The following MED27 variants were observed in gnomAD, a reference collection of about 807,000 sequenced individuals.
The protein encoded by MED27 is mediator complex subunit 27.
Under a neutral mutation model 38.2 loss-of-function variants are expected in MED27, and 30 were observed. The ratio of observed to expected loss-of-function variants is 0.79; its 90% CI spans 0.59 to 1.07. The LOEUF is 1.07. Among genes scored for constraint, MED27 ranks in the 50% least tolerant of loss-of-function variants. The probability of loss-of-function intolerance (pLI) is 0.00; values close to 1 mark genes in which losing one functional copy is unlikely to be tolerated. For synonymous variants in MED27, 122 were observed against 153.5 expected (o/e 0.79, Z 1.52); for missense variants, 289 against 397.5 (o/e 0.73, Z 2.32).
At chr9:132,068,296 G>A (rs879179474) in intron 2 of MED27, among the ~76,000 whole-genome samples, 5 of 152,100 alleles carry the variant, frequency 3.3e-5, no homozygotes, top group African/African-American at 9.7e-5. Context: ...TAGGTAAGCC[G>A]GCCAAAGGAC....
intron 3 of MED27, among the ~76,000 whole-genome samples, chr9:131,945,978 A>C (rs11243571): frequency 9.3e-5 from 14 of 150,568 alleles, no homozygotes; most frequent in East Asian, 5.9e-4. Context: ...TAAAAAAAAA[A>C]AAAAAAAAAG....
chr9:131,934,119 A>G (rs1484587717), intron 4 of MED27, among the ~76,000 whole-genome samples: 3 of 152,238 alleles, frequency 2.0e-5, no homozygotes, highest in Non-Finnish European at 2.9e-5. Flanking sequence ...ATACATAAAA[A>G]TCAAATACAA....
intron 2 of MED27, among the ~76,000 whole-genome samples, chr9:132,050,017 T>C (rs1833428535): frequency 6.6e-6 from 1 of 152,020 alleles, no homozygotes; most frequent in Admixed American, 6.5e-5. Flanking sequence ...TGGAGAAATA[T>C]AACATGGGAT....
rs1408636846 is a variant in MED27, at chr9:131,915,930, T to C, written c.574-21938A>G. Among the ~76,000 whole-genome samples the C allele has an allele frequency of 2.6e-5, 4 of 152,240 alleles. No homozygotes were observed. In the East Asian group the frequency reaches 7.7e-4, roughly 29 times the overall value. Reference sequence around the variant, plus strand: ...TGCTTACAAGTCAGGTTACTTACGATGATGATAAGAATGATGACTACTATT... The same window carrying C: ...TGCTTACAAGTCAGGTTACTTACGACGATGATAAGAATGATGACTACTATT... On this transcript the variant is annotated intron_variant, in intron 4 of 7. Transcript: ENST00000292035.
At chr9:131,978,810 A>G (rs1831669583) in intron 3 of MED27, among the ~76,000 whole-genome samples, 1 of 152,276 alleles carries the variant, frequency 6.6e-6, no homozygotes, top group South Asian at 2.1e-4. Context: ...GAACAACTGC[A>G]GAGCTGGAGA....
intron 4 of MED27, among the ~76,000 whole-genome samples, chr9:131,927,822 G>C (rs1349581052): frequency 6.6e-6 from 1 of 152,114 alleles, no homozygotes; most frequent in Admixed American, 6.5e-5. Context: ...AGAAACTGTC[G>C]ATGATGGACT....
chr9:131,893,588 A>G (rs905639984), intron 5 of MED27, among the ~76,000 whole-genome samples: 1 of 152,148 alleles, frequency 6.6e-6, no homozygotes. Flanking sequence ...GACTTGGGGA[A>G]AAAAATCCAT....
chr9:132,079,137 C>T (rs1043681929), intron 1 of MED27, among the ~76,000 whole-genome samples: 4 of 152,122 alleles, frequency 2.6e-5, no homozygotes, highest in African/African-American at 9.7e-5. Context: ...GTGAAGACAG[C>T]TCAAGGCCTG....
chr9:131,928,015 A>G (rs563897699), intron 4 of MED27, among the ~76,000 whole-genome samples: 100 of 152,042 alleles, frequency 6.6e-4, no homozygotes, highest in African/African-American at 2.3e-3. Context: ...TTTCCCATGC[A>G]TATGCACAAA....
intron 3 of MED27, among the ~76,000 whole-genome samples, chr9:132,002,658 T>C (rs1832263237): frequency 6.6e-6 from 1 of 152,106 alleles, no homozygotes; most frequent in South Asian, 2.1e-4. Flanking sequence ...TCGCCTATAA[T>C]CCCAGCCCTT....
chr9:131,860,545 C>T lies in MED27; in HGVS notation c.929G>A (p.Arg310Gln), dbSNP rs1838634317. Residue 310 changes from arginine to glutamine, a missense_variant, in exon 8 of 8, where the codon CGG (arginine) becomes CAG (glutamine). Transcript: ENST00000292035. The surrounding 1 kb of genome is among the most constrained non-coding windows in gnomAD (Gnocchi z 5.8). ...CTGGGGCCAGCGTGGGGGCTACTGC[C>T]GGCAGGTGTCATGGAAGGCTTCGAG... ...RTLEAFHDTC[R>Q]Q The T allele has an allele frequency of 2.0e-6, 3 of 1,533,486 alleles. No individual in the cohort carries two copies. The highest frequency in any genetic ancestry group is 2.6e-6 in the Non-Finnish European group (3 of 1,139,652). The allele number at this position is 1,533,486 out of a possible 1,614,324, so 95.0% of individuals were successfully genotyped here.
At chr9:132,026,043 G>A (rs1731692430) in intron 2 of MED27, among the ~76,000 whole-genome samples, 1 of 152,114 alleles carries the variant, frequency 6.6e-6, no homozygotes, top group Non-Finnish European at 1.5e-5. Flanking sequence ...ATACGAGAAG[G>A]GCTACTCCAA....
At chr9:132,035,962 T>A (rs1324283718) in intron 2 of MED27, among the ~76,000 whole-genome samples, 1 of 151,840 alleles carries the variant, frequency 6.6e-6, no homozygotes, top group Non-Finnish European at 1.5e-5. Flanking sequence ...CAAGACCCTG[T>A]CTCTAAAAAA....
intron 6 of MED27, among the ~76,000 whole-genome samples, chr9:131,867,412 A>G (rs1838756329): frequency 6.6e-6 from 1 of 152,202 alleles, no homozygotes; most frequent in Admixed American, 6.5e-5. Flanking sequence ...GTGAGGAAGA[A>G]ATGAGCTTGA....
In MED27 at chr9:131,883,930, T is replaced by C; in HGVS notation, c.723+128A>G. 1.3e-6 allele frequency: 1 copy of C among 754,306 alleles called. No homozygotes were observed. Among genetic ancestry groups the C allele is most frequent in the South Asian group, 1.9e-5 (1 of 53,212 alleles). The allele number at this position is 754,306 out of a possible 1,614,324, so 46.7% of individuals were successfully genotyped here. A position where few individuals can be genotyped will look rare whatever the true frequency, so the allele number is the denominator to read the frequency against. ...ATGTCATACATATGGAATCAGACAG[T>C]GAGCATCCTTTTCTGTCTGGCTTTT... On this transcript the variant is annotated intron_variant, in intron 6 of 7. Coordinates refer to ENST00000292035, the MANE Select transcript of MED27 (RefSeq NM_004269.4). The surrounding 1 kb of genome is among the most constrained non-coding windows in gnomAD (Gnocchi z 4.2).
intron 2 of MED27, among the ~76,000 whole-genome samples, chr9:132,039,449 C>T (rs1171320298): frequency 1.3e-5 from 2 of 152,182 alleles, no homozygotes; most frequent in African/African-American, 2.4e-5. Context: ...CATGGTGCCC[C>T]GCACATGGCA....
chr9:131,940,877 G>A (rs1830774468), intron 3 of MED27, among the ~76,000 whole-genome samples: 1 of 152,166 alleles, frequency 6.6e-6, no homozygotes, highest in African/African-American at 2.4e-5. Flanking sequence ...CTTATACCCA[G>A]ATGAAACCTG....
In MED27 at chr9:131,869,465, C is replaced by T. The variant is rs140224888; in HGVS notation, c.724-6325G>A. 139 of 944,498 alleles carry T rather than the reference C, an allele frequency of 1.5e-4. No homozygotes were observed. In the African/African-American group the frequency reaches 2.3e-3, roughly 15 times the overall value. 58.5% of individuals were successfully genotyped at this position (944,498 alleles called of 1,614,324 possible). A position where few individuals can be genotyped will look rare whatever the true frequency, so the allele number is the denominator to read the frequency against. On this transcript the variant is annotated intron_variant, in intron 6 of 7. Coordinates refer to ENST00000292035, the MANE Select transcript of MED27 (RefSeq NM_004269.4). ...GCAGCCGAGGTTCGGTCCCATTGTG[C>T]GGCAAAGCTAATGAGATTCCGCTGG... is the stretch of plus-strand genomic sequence containing the variant.
At chr9:132,068,744 G>A (rs1456526614) in intron 2 of MED27, among the ~76,000 whole-genome samples, 8 of 151,756 alleles carry the variant, frequency 5.3e-5, no homozygotes, top group African/African-American at 9.7e-5. Flanking sequence ...TTCAGTCTGA[G>A]AGGCCTGTGA....
Sources: allele counts gnomAD v4.1 joint callset (sites outside exome capture counted in the v4.1 genomes callset), GRCh38; gene constraint gnomAD v4.1.1; non-coding constraint Gnocchi (gnomAD v3.1); transcripts MANE v1.5; gene names NCBI Gene and HGNC (gene_info 2026-07-23, HGNC 2026-07-21).